ADARB1: variants seen among roughly 807,000 people sequenced by gnomAD.
ADARB1 encodes the protein double-stranded RNA-specific editase 1.
A neutral mutation model predicts 52.4 loss-of-function variants in ADARB1; 10 were observed. The ratio of observed to expected loss-of-function variants is 0.19; its 90% CI spans 0.12 to 0.32. The LOEUF is 0.32. ADARB1 is among the 10% of genes least tolerant of loss of function. ADARB1 has a pLI of 1.00. For missense variants in ADARB1, 643 were observed against 922.3 expected (o/e 0.70, Z 3.92); for synonymous variants, 349 against 371.1 (o/e 0.94, Z 0.68).
intron 1 of ADARB1, among the ~76,000 whole-genome samples, chr21:45,103,093 A>G (rs1240900330): frequency 3.9e-5 from 6 of 152,238 alleles, no homozygotes; most frequent in Non-Finnish European, 8.8e-5. Flanking sequence ...CTTCCTCAAC[A>G]GTCAAAAACC....
At chr21:45,152,938 A>C (rs1032604159) in intron 2 of ADARB1, among the ~76,000 whole-genome samples, 1 of 152,264 alleles carries the variant, frequency 6.6e-6, no homozygotes, top group Non-Finnish European at 1.5e-5. Context: ...GAAATCATTT[A>C]GCTTCAGAGT....
chr21:45,192,343 C>T (rs1406019265), intron 8 of ADARB1, among the ~76,000 whole-genome samples: 1 of 152,098 alleles, frequency 6.6e-6, no homozygotes, highest in South Asian at 2.1e-4. Context: ...ATAGCCCCAC[C>T]CCAATGCCTC....
At chr21:45,214,127 C>T (rs1294696907) in intron 9 of ADARB1, among the ~76,000 whole-genome samples, 7 of 152,176 alleles carry the variant, frequency 4.6e-5, no homozygotes, top group African/African-American at 1.7e-4. Flanking sequence ...TTGCATTGCT[C>T]TGATGACTAA....
chr21:45,198,520 CAT>C (rs1323526047), intron 8 of ADARB1, among the ~76,000 whole-genome samples: 22 of 151,466 alleles, frequency 1.5e-4, no homozygotes, highest in East Asian at 7.7e-4. Context: ...CACACACACA[CAT>C]ACACACACAC....
chr21:45,187,291 T>C (rs2092141132), intron 8 of ADARB1, among the ~76,000 whole-genome samples: 1 of 152,234 alleles, frequency 6.6e-6, no homozygotes, highest in Non-Finnish European at 1.5e-5. Flanking sequence ...TGAAAATTGT[T>C]TTCTTAATTC....
intron 2 of ADARB1, among the ~76,000 whole-genome samples, chr21:45,150,991 C>G (rs759917221): frequency 6.6e-6 from 1 of 152,156 alleles, no homozygotes; most frequent in Non-Finnish European, 1.5e-5. Context: ...AGTCCTCTGT[C>G]CCTGGGTCAT....
At chr21:45,156,332 TC>T (rs1453609478) in intron 2 of ADARB1, among the ~76,000 whole-genome samples, 1 of 103,610 alleles carries the variant, frequency 9.7e-6, no homozygotes. Context: ...TCATCACCCA[TC>T]ACCCATCATC....
Position 45,223,999 on chromosome 21 carries a change from G to C in ADARB1, c.*1802G>C. 1 of 985,450 alleles carries C rather than the reference G, an allele frequency of 1.0e-6. No individual in the cohort carries two copies. The highest frequency in any genetic ancestry group is 1.2e-6 in the Non-Finnish European group (1 of 829,970). 61.0% of individuals were successfully genotyped at this position (985,450 alleles called of 1,614,324 possible). ...TCTCTGCCGCTCCGTCACCACAGTG[G>C]GGTTTTGTTCAGGCAGATCGCGCTG... On this transcript the variant is annotated 3_prime_UTR_variant, in exon 11 of 11. Coordinates refer to ENST00000348831, the MANE Select transcript of ADARB1 (RefSeq NM_001112.4).
chr21:45,140,154 G>C (rs1181517382), intron 2 of ADARB1, among the ~76,000 whole-genome samples: 1 of 151,876 alleles, frequency 6.6e-6, no homozygotes, highest in African/African-American at 2.4e-5. Flanking sequence ...TGTTGGCCAG[G>C]CTAGTCTCAA....
intron 1 of ADARB1, among the ~76,000 whole-genome samples, chr21:45,125,275 A>G (rs1004338253): frequency 6.6e-6 from 1 of 152,174 alleles, no homozygotes; most frequent in Non-Finnish European, 1.5e-5. Flanking sequence ...ATAAACAACA[A>G]TCACTTTATT....
chr21:45,084,065 G>A (rs905799701), intron 1 of ADARB1, among the ~76,000 whole-genome samples: 1 of 152,220 alleles, frequency 6.6e-6, no homozygotes, highest in African/African-American at 2.4e-5. Context: ...CAGAATTTGG[G>A]AGATCAGGAT....
chr21:45,173,093 G>A (rs2091553688), intron 3 of ADARB1, among the ~76,000 whole-genome samples: 5 of 152,220 alleles, frequency 3.3e-5, no homozygotes, highest in Admixed American at 6.5e-5. Context: ...CAGTCACCTC[G>A]CATAGACAGA....
intron 2 of ADARB1, among the ~76,000 whole-genome samples, chr21:45,153,237 T>C (rs2090389537): frequency 1.3e-5 from 2 of 152,120 alleles, no homozygotes; most frequent in South Asian, 4.1e-4. Flanking sequence ...GTCATTAAAA[T>C]CTAGATTTTT....
At chr21:45,086,053 T>A (rs897808505) in intron 1 of ADARB1, among the ~76,000 whole-genome samples, 2 of 152,206 alleles carry the variant, frequency 1.3e-5, no homozygotes, top group Non-Finnish European at 2.9e-5. Context: ...GATTTTGAGC[T>A]ACGGTGTAGA....
chr21:45,192,643 A>G (rs2092329752), intron 8 of ADARB1, among the ~76,000 whole-genome samples: 1 of 152,186 alleles, frequency 6.6e-6, no homozygotes. Context: ...ATGCCACTTG[A>G]AGACAGAGAG....
intron 2 of ADARB1, among the ~76,000 whole-genome samples, chr21:45,167,729 C>T (rs1361913233): frequency 6.6e-6 from 1 of 151,802 alleles, no homozygotes; most frequent in African/African-American, 2.4e-5. Context: ...CCTGGGTGAG[C>T]GAGATTCTCA....
At position 45,107,769 on chromosome 21, in the gene ADARB1, A is replaced by G. The variant is rs115199918; in HGVS notation, c.-219-20633A>G. ...ACACAAACATGGTTGAATATTACCT[A>G]TGTGTTGGGAAAGGCTTTTTTAAAG... On this transcript the variant is annotated intron_variant, in intron 1 of 10. Coordinates refer to ENST00000348831, the MANE Select transcript of ADARB1 (RefSeq NM_001112.4). 4.2e-3 allele frequency among the ~76,000 whole-genome samples: 643 copies of G among 152,376 alleles called. 4 individuals are homozygous for G. The highest frequency in any genetic ancestry group is 0.015 in the African/African-American group (606 of 41,594).
At chr21:45,083,876 T>C (rs1393636920) in intron 1 of ADARB1, among the ~76,000 whole-genome samples, 1 of 152,168 alleles carries the variant, frequency 6.6e-6, no homozygotes, top group East Asian at 1.9e-4. Context: ...AATTTTTGTA[T>C]TTTTTGTAGA....
Position 45,222,158 on chromosome 21 carries a change from G to A in ADARB1, c.2067G>A (p.Glu689=). ...FIKAGLGAWV[E]KPTEQDQFSL... ...AGGCGGGGCTGGGGGCCTGGGTGGAGAAGCCCACCGAGCAGGACCAGTTCT... is the reference window on the plus strand; with the variant it reads ...AGGCGGGGCTGGGGGCCTGGGTGGAAAAGCCCACCGAGCAGGACCAGTTCT... The change falls in exon 11 of 11, where the codon GAG becomes GAA. Residue 689 remains glutamate (E), a synonymous_variant. Transcript: ENST00000348831. 6.2e-7 allele frequency: 1 copy of A among 1,604,440 alleles called. No homozygotes were observed. The highest frequency in any genetic ancestry group is 1.3e-5 in the African/African-American group (1 of 74,770).
Sources: gnomAD v4.1 joint callset for allele counts (sites outside exome capture counted in the v4.1 genomes callset) on GRCh38, gnomAD v4.1.1 for gene constraint, MANE v1.5 for transcripts, NCBI Gene and HGNC (gene_info 2026-07-23, HGNC 2026-07-21) for gene names.